The following ADD2 variants were observed in gnomAD, a reference collection of about 807,000 sequenced individuals.
The protein encoded by ADD2 is adducin 2, also known as beta-adducin.
ADD2 carries 23 observed loss-of-function variants against 83.0 expected under a neutral mutation model. That is an observed-to-expected ratio of 0.28 (90% confidence interval 0.20 to 0.39). ADD2 has a LOEUF of 0.39. ADD2 is among the 10% of genes least tolerant of loss of function. ADD2 has a pLI of 1.00. For missense variants in ADD2, 758 were observed against 944.9 expected (o/e 0.80, Z 2.59); for synonymous variants, 375 against 375.4 (o/e 1.00, Z 0.01).
At chr2:70,733,449 A>G (rs1416963073) in intron 1 of ADD2, among the ~76,000 whole-genome samples, 1 of 152,218 alleles carries the variant, frequency 6.6e-6, no homozygotes, top group Non-Finnish European at 1.5e-5. Context: ...TTTGGATTGC[A>G]GAGGCTTTTC....
rs782497970 is a variant in ADD2, at chr2:70,695,776, T to G, written c.500A>C (p.His167Pro). 1.9e-6 allele frequency: 3 copies of G among 1,613,984 alleles called. No homozygotes were observed. The highest frequency in any genetic ancestry group is 2.5e-6 in the Non-Finnish European group (3 of 1,180,010). ...AACTCCCTTAGGGCTGATCAGGAAG[T>G]GGTCCTGCTCCTTGCTGACTCTCAA... ...VTLRVSKEQDHFLISPKGVSC... is the reference protein window; with the variant it reads ...VTLRVSKEQDPFLISPKGVSC... Residue 167 changes from histidine (H) to proline (P), a missense_variant, in exon 6 of 16, where the codon CAC becomes CCC. Transcript: ENST00000264436.
intron 4 of ADD2, among the ~76,000 whole-genome samples, chr2:70,703,858 TCA>T (rs1423562027): frequency 2.0e-5 from 3 of 152,230 alleles, no homozygotes; most frequent in African/African-American, 7.2e-5. Flanking sequence ...TTGGTTATTT[TCA>T]CAGTTTTCAG....
rs1413845193 is a variant in ADD2 at position 70,662,204 on chromosome 2, A to G, written c.*1221T>C. The G allele has an allele frequency of 6.6e-6, 1 of 152,238 alleles. No homozygotes were observed. The highest frequency in any genetic ancestry group is 1.9e-4 in the East Asian group (1 of 5,202). 9.4% of individuals were successfully genotyped at this position (152,238 alleles called of 1,614,324 possible). On this transcript the variant is annotated 3_prime_UTR_variant, in exon 16 of 16. Coordinates refer to ENST00000264436, the MANE Select transcript of ADD2 (RefSeq NM_001617.4). ...AATCAATGCCCCACGGAAGAACATG[A>G]GAAGACAGTGTTGGCATTTAAAACA...
At chr2:70,747,373 G>A (rs974126984) in intron 1 of ADD2, among the ~76,000 whole-genome samples, 15 of 152,100 alleles carry the variant, frequency 9.9e-5, no homozygotes, top group African/African-American at 3.6e-4. Context: ...AGAGCTGTAT[G>A]GTAAGTGCTC....
chr2:70,754,887 C>A (rs1443856861), intron 1 of ADD2, among the ~76,000 whole-genome samples: 2 of 152,198 alleles, frequency 1.3e-5, no homozygotes, highest in African/African-American at 4.8e-5. Flanking sequence ...TGCTAATCAC[C>A]TTTTAATTAT....
chr2:70,722,228 G>A (rs1051271191), intron 1 of ADD2, among the ~76,000 whole-genome samples: 6 of 152,074 alleles, frequency 3.9e-5, no homozygotes, highest in South Asian at 4.1e-4. Flanking sequence ...AAAATAAAAC[G>A]AGCATTGGCA....
chr2:70,755,741 T>C (rs1674742884), intron 1 of ADD2, among the ~76,000 whole-genome samples: 1 of 152,180 alleles, frequency 6.6e-6, no homozygotes, highest in African/African-American at 2.4e-5. Flanking sequence ...GTGGGGCTGC[T>C]ATCCAGGTCA....
chr2:70,760,259 A>C (rs1362576688), intron 1 of ADD2, among the ~76,000 whole-genome samples: 1 of 152,156 alleles, frequency 6.6e-6, no homozygotes, highest in African/African-American at 2.4e-5. Flanking sequence ...CTCGGGTCCC[A>C]GCCATGACAC....
At chr2:70,705,172 C>G (rs372179843) in intron 3 of ADD2, among the ~76,000 whole-genome samples, 1 of 152,204 alleles carries the variant, frequency 6.6e-6, no homozygotes, top group Middle Eastern at 3.2e-3. Context: ...CCCCTTGCCA[C>G]CCCTCCTAGT....
At chr2:70,715,443 A>G (rs558709987) in intron 1 of ADD2, among the ~76,000 whole-genome samples, 1 of 152,258 alleles carries the variant, frequency 6.6e-6, no homozygotes, top group Admixed American at 6.5e-5. Flanking sequence ...GCAGAGATGC[A>G]AGGGACAGTG....
At chr2:70,739,179 TAAAC>T in intron 1 of ADD2, among the ~76,000 whole-genome samples, 1 of 152,038 alleles carries the variant, frequency 6.6e-6, no homozygotes, top group Non-Finnish European at 1.5e-5. Context: ...ATAAGGAACT[TAAAC>T]AAATTTACAG....
At chr2:70,724,546 G>T (rs1672885584) in intron 1 of ADD2, among the ~76,000 whole-genome samples, 1 of 152,142 alleles carries the variant, frequency 6.6e-6, no homozygotes, top group South Asian at 2.1e-4. Flanking sequence ...AGGTTGCATG[G>T]CTCCCTGGGC....
At chr2:70,701,409 A>AT (rs1553373494) in intron 4 of ADD2, among the ~76,000 whole-genome samples, 2 of 152,166 alleles carry the variant, frequency 1.3e-5, no homozygotes, top group East Asian at 3.8e-4. Flanking sequence ...ATAAAAAATA[A>AT]TTGTCTCAAA....
Position 70,676,514 on chromosome 2 carries a change from T to G in ADD2, c.1593+282A>C. ...GGTAGTAAGGGAGGACAGAGTGGAG[T>G]TCCATGGCAGGAGGTACGGAAGCCG... On this transcript the variant is annotated intron_variant, in intron 13 of 15. Transcript: ENST00000264436. The surrounding 1 kb of genome is among the most constrained non-coding windows in gnomAD (Gnocchi z 4.8). 1.5e-6 allele frequency: 2 copies of G among 1,369,040 alleles called. No homozygotes were observed. Among genetic ancestry groups the G allele is most frequent in the South Asian group, 4.0e-5 (2 of 50,426 alleles). 84.8% of individuals were successfully genotyped at this position (1,369,040 alleles called of 1,614,324 possible).
intron 1 of ADD2, among the ~76,000 whole-genome samples, chr2:70,745,615 A>C (rs1674152355): frequency 6.6e-6 from 1 of 152,226 alleles, no homozygotes; most frequent in Non-Finnish European, 1.5e-5. Flanking sequence ...CTCCATCCAA[A>C]GCCAGACTAT....
chr2:70,671,820 G>A (rs534891674), intron 15 of ADD2, among the ~76,000 whole-genome samples: 4 of 152,288 alleles, frequency 2.6e-5, no homozygotes, highest in South Asian at 2.1e-4. Context: ...GAATCCACAC[G>A]TGTGGCCGTT....
At chr2:70,677,117 A>G (rs1553368521) in intron 12 of ADD2, among the ~76,000 whole-genome samples, 1 of 152,196 alleles carries the variant, frequency 6.6e-6, no homozygotes. Context: ...AAGGAGCTGT[A>G]AACTATGAAA....
intron 1 of ADD2, among the ~76,000 whole-genome samples, chr2:70,721,934 T>TA (rs1425136844): frequency 6.6e-6 from 1 of 152,152 alleles, no homozygotes; most frequent in African/African-American, 2.4e-5. Flanking sequence ...CCACAAATCT[T>TA]AAAATATGAC....
intron 1 of ADD2, among the ~76,000 whole-genome samples, chr2:70,753,607 A>T (rs1490347770): frequency 6.6e-6 from 1 of 151,984 alleles, no homozygotes; most frequent in African/African-American, 2.4e-5. Context: ...GGGGGGTGGG[A>T]AGACAGGAGA....
Sources: gnomAD v4.1 joint callset for allele counts (sites outside exome capture counted in the v4.1 genomes callset) on GRCh38, gnomAD v4.1.1 for gene constraint, Gnocchi (gnomAD v3.1) non-coding constraint, MANE v1.5 for transcripts, NCBI Gene and HGNC (gene_info 2026-07-23, HGNC 2026-07-21) for gene names.